The following EDNRB variants were observed in gnomAD, a reference collection of about 807,000 sequenced individuals.
EDNRB encodes endothelin receptor type B.
A neutral mutation model predicts 46.4 loss-of-function variants in EDNRB; 18 were observed. The ratio of observed to expected loss-of-function variants is 0.39; its 90% CI spans 0.27 to 0.57. The LOEUF (loss-of-function observed/expected upper bound fraction) is 0.57, where lower values mean the gene tolerates loss of function less well. Among genes scored for constraint, EDNRB ranks in the 20% least tolerant of loss-of-function variants. The pLI is 0.61. For missense variants in EDNRB, 434 were observed against 537.5 expected, an observed-to-expected ratio of 0.81 and a Z score of 1.90; for synonymous variants, 213 against 204.9, an observed-to-expected ratio of 1.04 and a Z score of -0.34.
chr13:77,953,972 T>G (rs1478425298), intron 1 of EDNRB, among the ~76,000 whole-genome samples: 1 of 152,210 alleles, frequency 6.6e-6, no homozygotes, highest in Non-Finnish European at 1.5e-5. Flanking sequence ...GAATTTTATA[T>G]GTACATAAAA....
At chr13:77,934,350 C>G (rs1880492213) in intron 1 of EDNRB, among the ~76,000 whole-genome samples, 1 of 152,108 alleles carries the variant, frequency 6.6e-6, no homozygotes, top group Non-Finnish European at 1.5e-5. Context: ...GTCCGTTCTA[C>G]TTTTCCTGAA....
chr13:77,898,404 G>T, intron 6 of EDNRB, 70 bp from the exon 7 acceptor site: 1 of 1,599,704 alleles, frequency 6.3e-7, no homozygotes. Context: ...TCCTCTCCAG[G>T]GTTCTGACTT....
chr13:77,937,665 G>A (rs983839524), intron 1 of EDNRB, among the ~76,000 whole-genome samples: 2 of 152,152 alleles, frequency 1.3e-5, no homozygotes, highest in Non-Finnish European at 2.9e-5. Flanking sequence ...TAAACTGTAA[G>A]CCGGACCAAA....
chr13:77,901,310 T>C, intron 3 of EDNRB, 103 bp from the exon 4 acceptor site: 1 of 1,232,564 alleles, frequency 8.1e-7, no homozygotes, highest in Non-Finnish European at 1.1e-6. Flanking sequence ...GATTATCTTC[T>C]AAATTAGATC....
At chr13:77,956,123 C>A (rs145124949) in intron 1 of EDNRB, among the ~76,000 whole-genome samples, 2 of 152,060 alleles carry the variant, frequency 1.3e-5, no homozygotes, top group African/African-American at 4.8e-5. Context: ...ATAGTATGGA[C>A]GTTTTAACAA....
intron 1 of EDNRB, among the ~76,000 whole-genome samples, chr13:77,913,538 A>T (rs1879678471): frequency 6.6e-6 from 1 of 152,202 alleles, no homozygotes; most frequent in Admixed American, 6.5e-5. Context: ...CTTTACACAT[A>T]AAGGAAGCTA....
intron 1 of EDNRB, among the ~76,000 whole-genome samples, chr13:77,905,932 T>A (rs1879251622): frequency 6.6e-6 from 1 of 151,784 alleles, no homozygotes; most frequent in Non-Finnish European, 1.5e-5. Flanking sequence ...CATTGCAAGG[T>A]TTGAAGAAGG....
chr13:77,967,503 C>T (rs915385961), intron 1 of EDNRB, among the ~76,000 whole-genome samples: 2 of 152,190 alleles, frequency 1.3e-5, no homozygotes, highest in Middle Eastern at 3.2e-3. Context: ...TTATTGTCTA[C>T]AGTCAATTAC....
intron 1 of EDNRB, among the ~76,000 whole-genome samples, chr13:77,927,572 C>A (rs952252616): frequency 3.9e-5 from 6 of 152,112 alleles, no homozygotes; most frequent in Non-Finnish European, 5.9e-5. Context: ...TTTCCAATTC[C>A]AAATTAGTTG....
chr13:77,951,250 G>GT (rs145985275), intron 1 of EDNRB, among the ~76,000 whole-genome samples: 26,242 of 151,762 alleles, frequency 0.17, 2,717 homozygotes, highest in East Asian at 0.53. Context: ...GGAAAGAAGT[G>GT]TTTTTTTTGT....
intron 1 of EDNRB, among the ~76,000 whole-genome samples, chr13:77,967,865 T>C (rs1881624508): frequency 6.6e-6 from 1 of 152,228 alleles, no homozygotes; most frequent in South Asian, 2.1e-4. Context: ...TGAGCTACTA[T>C]GCCTTAAGGC....
intron 1 of EDNRB, among the ~76,000 whole-genome samples, chr13:77,925,788 C>T (rs763771547): frequency 4.0e-4 from 61 of 152,176 alleles, no homozygotes; most frequent in Non-Finnish European, 8.2e-4. Flanking sequence ...CCACCGTCCT[C>T]CAGACCCCAG....
chr13:77,911,204 G>A (rs907162763), intron 1 of EDNRB, among the ~76,000 whole-genome samples: 6 of 152,148 alleles, frequency 3.9e-5, no homozygotes, highest in African/African-American at 9.6e-5. Flanking sequence ...AAGATCACTG[G>A]TGATATCTGA....
intron 1 of EDNRB, chr13:77,940,007 T>C (rs1293186136): frequency 6.7e-6 from 1 of 150,314 alleles, no homozygotes; most frequent in African/African-American, 2.5e-5. Context: ...AATAAATAAA[T>C]AAATAAATAA....
chr13:77,938,833 C>T (rs568901933), intron 1 of EDNRB, among the ~76,000 whole-genome samples: 19 of 152,264 alleles, frequency 1.2e-4, no homozygotes, highest in African/African-American at 4.1e-4. Flanking sequence ...GCCACTTACC[C>T]GATTTAAAAT....
At chr13:77,963,859 G>A (rs1486658957) in intron 1 of EDNRB, among the ~76,000 whole-genome samples, 2 of 152,234 alleles carry the variant, frequency 1.3e-5, no homozygotes, top group Admixed American at 6.5e-5. Context: ...GAAAATTTTT[G>A]CAACCTACTC....
chr13:77,922,241 G>C (rs1880107302), upstream of EDNRB, among the ~76,000 whole-genome samples: 1 of 151,998 alleles, frequency 6.6e-6, no homozygotes, highest in Admixed American at 6.6e-5. Flanking sequence ...ACTTCTCAAA[G>C]TTAGAAAGTT....
chr13:77,972,741 T>C (rs1287676584), intron 1 of EDNRB, among the ~76,000 whole-genome samples: 1 of 152,204 alleles, frequency 6.6e-6, no homozygotes, highest in Non-Finnish European at 1.5e-5. Context: ...GTTATGTTAA[T>C]AACTAGATGG....
chr13:77,908,428 A>C (rs1472294322), intron 1 of EDNRB, among the ~76,000 whole-genome samples: 1 of 1,902 alleles, frequency 5.3e-4, no homozygotes, highest in East Asian at 0.083. Context: ...AGTTTTGCCA[A>C]AAAAAAAAAA....
Sources: gnomAD v4.1 joint callset for allele counts (sites outside exome capture counted in the v4.1 genomes callset) on GRCh38, gnomAD v4.1.1 for gene constraint, MANE v1.5 for transcripts, NCBI Gene and HGNC (gene_info 2026-07-23, HGNC 2026-07-21) for gene names.